ABCC4: variants seen among roughly 807,000 people sequenced by gnomAD.
ABCC4 encodes the protein ATP binding cassette subfamily C member 4 (PEL blood group).
In ABCC4, 102 loss-of-function variants were observed where a neutral mutation model predicts 168.5. That is an observed-to-expected ratio of 0.61 (90% CI 0.52 to 0.71). The LOEUF is 0.71. ABCC4 is among the 30% of genes least tolerant of loss of function. The pLI is 0.00. For synonymous variants in ABCC4, 617 were observed against 590.7 expected (o/e 1.04, Z -0.65); for missense variants, 1,402 against 1,605.8 (o/e 0.87, Z 2.17).
intron 19 of ABCC4, among the ~76,000 whole-genome samples, chr13:95,145,744 T>C (rs922250165): frequency 1.3e-5 from 2 of 151,996 alleles, no homozygotes; most frequent in Admixed American, 6.6e-5. Flanking sequence ...GTGGTACATA[T>C]ACACCATGGA....
At chr13:95,037,554 C>A (rs1231002966) in intron 29 of ABCC4, among the ~76,000 whole-genome samples, 1 of 152,212 alleles carries the variant, frequency 6.6e-6, no homozygotes, top group Non-Finnish European at 1.5e-5. Context: ...CGGAAGATGG[C>A]AGAGCTGGGA....
chr13:95,206,916 A>G (rs2038799813), intron 7 of ABCC4, 135 bp from the exon 8 acceptor site: 2 of 976,270 alleles, frequency 2.0e-6, no homozygotes, highest in Admixed American at 4.5e-5. Context: ...ATCCTGGGCA[A>G]CAACAACAAA....
intron 19 of ABCC4, among the ~76,000 whole-genome samples, chr13:95,134,682 T>C (rs2036083344): frequency 6.6e-6 from 1 of 152,136 alleles, no homozygotes; most frequent in African/African-American, 2.4e-5. Context: ...ATCACACCAC[T>C]GCACTCCAGC....
At chr13:95,042,338 C>A (rs1348217443) in intron 29 of ABCC4, among the ~76,000 whole-genome samples, 2 of 152,198 alleles carry the variant, frequency 1.3e-5, no homozygotes, top group African/African-American at 2.4e-5. Flanking sequence ...CTATCCATTG[C>A]ACCATCTTCA....
intron 8 of ABCC4, among the ~76,000 whole-genome samples, chr13:95,198,230 C>A (rs1432257290): frequency 6.6e-6 from 1 of 152,118 alleles, no homozygotes; most frequent in Non-Finnish European, 1.5e-5. Context: ...GGGCTAACAT[C>A]CAGAATCTAC....
At chr13:95,089,808 A>G (rs892514389) in intron 20 of ABCC4, among the ~76,000 whole-genome samples, 3 of 151,886 alleles carry the variant, frequency 2.0e-5, no homozygotes, top group African/African-American at 7.3e-5. Flanking sequence ...AACCCAGGAG[A>G]TGAAAGTTGC....
chr13:95,195,974 C>G (rs1367165548), intron 8 of ABCC4, among the ~76,000 whole-genome samples: 3 of 152,176 alleles, frequency 2.0e-5, no homozygotes, highest in African/African-American at 7.2e-5. Context: ...CCCTCCTAGA[C>G]AGCAGAACGG....
intron 1 of ABCC4, among the ~76,000 whole-genome samples, chr13:95,277,660 CAG>C (rs1429924177): frequency 2.6e-5 from 4 of 151,850 alleles, no homozygotes; most frequent in African/African-American, 9.7e-5. Context: ...GTGGTCAAGG[CAG>C]AGTTTCCCAG....
intron 19 of ABCC4, among the ~76,000 whole-genome samples, chr13:95,132,508 C>T (rs181155008): frequency 1.9e-4 from 29 of 152,256 alleles, no homozygotes; most frequent in Admixed American, 7.8e-4. Flanking sequence ...TAAGCCACCG[C>T]GCCTGGCCCT....
chr13:95,155,289 A>G (rs1566471407), intron 19 of ABCC4, among the ~76,000 whole-genome samples: 1 of 152,096 alleles, frequency 6.6e-6, no homozygotes, highest in African/African-American at 2.4e-5. Flanking sequence ...CCCAGACTCA[A>G]GTAATCCTCC....
At position 95,028,340 on chromosome 13, in the gene ABCC4, T is replaced by C. The variant is rs942492050; in HGVS notation, c.3870+6265A>G. Among the ~76,000 whole-genome samples the C allele has an allele frequency of 1.4e-4, 22 of 152,274 alleles. No homozygotes were observed. In the South Asian group the frequency reaches 3.9e-3, roughly 27 times the overall value. The stretch of plus-strand genomic sequence containing the variant: ...TAAACAGATAACACCATCTTTTCAA[T>C]GCCCAAAGAACATCTAGAAAAACTA... On this transcript the variant is annotated intron_variant, in intron 30 of 30. Coordinates refer to ENST00000645237, the MANE Select transcript of ABCC4 (RefSeq NM_005845.5).
At chr13:95,187,603 C>T (rs2038109901) in intron 10 of ABCC4, among the ~76,000 whole-genome samples, 1 of 151,950 alleles carries the variant, frequency 6.6e-6, no homozygotes, top group Admixed American at 6.6e-5. Context: ...GACCATGTCT[C>T]AAAAACTAAA....
rs2033585175 is a variant in ABCC4, at chr13:95,067,372, C to A, written c.3210+4290G>T. Among the ~76,000 whole-genome samples, 3 of 152,216 alleles carry A rather than the reference C, an allele frequency of 2.0e-5. No homozygotes were observed. The South Asian group carries it at 6.2e-4, about 32-fold the overall frequency. Reference sequence around the variant, plus strand: ...AGGGTGGCACTTGGCCCAGGACTATCCAGAGTCTCATGTTTAGTCACAAGA... The same window carrying A: ...AGGGTGGCACTTGGCCCAGGACTATACAGAGTCTCATGTTTAGTCACAAGA... On this transcript the variant is annotated intron_variant, in intron 25 of 30. Coordinates refer to ENST00000645237, the MANE Select transcript of ABCC4 (RefSeq NM_005845.5).
At chr13:95,189,823 G>A (rs1206207042) in intron 9 of ABCC4, among the ~76,000 whole-genome samples, 1 of 152,148 alleles carries the variant, frequency 6.6e-6, no homozygotes, top group Non-Finnish European at 1.5e-5. Flanking sequence ...CCCATCCTGG[G>A]AAAATAGGGA....
intron 20 of ABCC4, among the ~76,000 whole-genome samples, chr13:95,111,839 A>G (rs2035214824): frequency 6.6e-6 from 1 of 152,176 alleles, no homozygotes; most frequent in South Asian, 2.1e-4. Flanking sequence ...AAATCTGTGC[A>G]TGGTTTCAGA....
chr13:95,058,366 C>T (rs1403223916), intron 26 of ABCC4, among the ~76,000 whole-genome samples: 1 of 151,236 alleles, frequency 6.6e-6, no homozygotes, highest in African/African-American at 2.4e-5. Flanking sequence ...GTCAGGAGAT[C>T]GAGACCATCC....
rs748864087 is a variant in ABCC4 at position 95,186,848 on chromosome 13, G to C, written c.1398C>G (p.His466Gln). ...TTCTTCCATGCACGCTGACCAGCCC[G>C]TGACTTGGGGCCAATTCCCCGAGCA... ...SAVLGELAPS[H>Q]GLVSVHGRIA... Residue 466 changes from histidine to glutamine, a missense_variant, in exon 11 of 31, where the codon CAC becomes CAG. Coordinates refer to ENST00000645237, the MANE Select transcript of ABCC4 (RefSeq NM_005845.5). 2.5e-6 allele frequency: 4 copies of C among 1,613,798 alleles called. No individual in the cohort carries two copies. The African/African-American group carries it at 5.3e-5, about 22-fold the overall frequency.
At chr13:95,225,930 G>T (rs1199739926) in intron 4 of ABCC4, among the ~76,000 whole-genome samples, 6 of 116,338 alleles carry the variant, frequency 5.2e-5, no homozygotes, top group Non-Finnish European at 1.7e-5. Flanking sequence ...AGCTCAGGAA[G>T]ATCATCCTGG....
chr13:95,214,767 T>C (rs1431292346), intron 4 of ABCC4, among the ~76,000 whole-genome samples: 3 of 151,764 alleles, frequency 2.0e-5, no homozygotes, highest in Admixed American at 2.0e-4. Flanking sequence ...GCACCTGTAA[T>C]TCCAGCCACT....
Sources: allele counts gnomAD v4.1 joint callset (sites outside exome capture counted in the v4.1 genomes callset), GRCh38; gene constraint gnomAD v4.1.1; transcripts MANE v1.5; gene names NCBI Gene and HGNC (gene_info 2026-07-23, HGNC 2026-07-21).